Variants in RIN3 observed in about 807,000 individuals in gnomAD.
The protein encoded by RIN3 is RAB5 interacting protein 3.
In RIN3, 54 loss-of-function variants were observed where a neutral mutation model predicts 76.3. That is an observed-to-expected ratio of 0.71 (90% CI 0.57 to 0.89). The LOEUF is 0.89. Ranked by LOEUF, RIN3 falls within the 40% of genes least tolerant of loss-of-function variation. The pLI is 0.00. For synonymous variants in RIN3, 576 were observed against 564.0 expected (o/e 1.02, Z -0.30); for missense variants, 1,256 against 1,322.1 (o/e 0.95, Z 0.78).
chr14:92,665,136 G>A (rs1172588524), intron 7 of RIN3, among the ~76,000 whole-genome samples: 1 of 152,142 alleles, frequency 6.6e-6, no homozygotes, highest in Non-Finnish European at 1.5e-5. Context: ...TGAGCTGTAT[G>A]GTATGGTCCA....
intron 2 of RIN3, among the ~76,000 whole-genome samples, chr14:92,557,137 G>T (rs983283979): frequency 1.3e-5 from 2 of 152,250 alleles, no homozygotes; most frequent in African/African-American, 4.8e-5. Flanking sequence ...TCACGTAGCG[G>T]CAAGCATTCC....
intron 3 of RIN3, among the ~76,000 whole-genome samples, chr14:92,597,723 G>T (rs1424950214): frequency 6.6e-6 from 1 of 152,122 alleles, no homozygotes; most frequent in Non-Finnish European, 1.5e-5. Flanking sequence ...TAGGACTCCA[G>T]CTGGATCCCT....
chr14:92,653,648 C>T (rs1887555608), intron 6 of RIN3, among the ~76,000 whole-genome samples: 1 of 152,190 alleles, frequency 6.6e-6, no homozygotes, highest in Non-Finnish European at 1.5e-5. Flanking sequence ...AGCCTCGAAT[C>T]CAATAATTAT....
chr14:92,657,825 A>G (rs1187216354), intron 6 of RIN3, among the ~76,000 whole-genome samples: 2 of 152,168 alleles, frequency 1.3e-5, no homozygotes, highest in African/African-American at 4.8e-5. Flanking sequence ...GGGACCCAGG[A>G]TGGCCATGGG....
intron 3 of RIN3, 54 bp downstream of exon 3, chr14:92,577,531 A>T: frequency 2.7e-6 from 3 of 1,110,606 alleles, no homozygotes; most frequent in Non-Finnish European, 4.1e-6. Flanking sequence ...CAGCAGCAGC[A>T]GAGAGGCTGC....
chr14:92,686,525 C>T (rs1312877477), intron 9 of RIN3: 1 of 152,342 alleles, frequency 6.6e-6, no homozygotes, highest in East Asian at 1.9e-4. Context: ...CCCCTCCCAA[C>T]ACCCCGGACT....
chr14:92,661,812 T>C (rs1181365495), intron 7 of RIN3, among the ~76,000 whole-genome samples: 2 of 151,802 alleles, frequency 1.3e-5, no homozygotes, highest in African/African-American at 4.8e-5. Context: ...GCGAACTCCA[T>C]ATTAACACTT....
chr14:92,529,585 A>G (rs1177274077), intron 1 of RIN3, among the ~76,000 whole-genome samples: 2 of 152,216 alleles, frequency 1.3e-5, no homozygotes, highest in African/African-American at 4.8e-5. Context: ...GGACATAGGC[A>G]GAGTGATGAA....
rs537552104 is a variant in RIN3, at chr14:92,636,255, A to G, written c.441-4983A>G. Among the ~76,000 whole-genome samples, 3 of 152,156 alleles carry G rather than the reference A, an allele frequency of 2.0e-5. No individual in the cohort carries two copies. The East Asian group carries it at 5.8e-4, about 29-fold the overall frequency. On this transcript the variant is annotated intron_variant, in intron 4 of 9. Coordinates refer to ENST00000216487, the MANE Select transcript of RIN3 (RefSeq NM_024832.5). ...AAGAAAGAGAGAGGGAGGGAAAGAG[A>G]GAGAGAAAGAAAGAAAGCTTGGATG...
intron 2 of RIN3, among the ~76,000 whole-genome samples, chr14:92,565,529 A>G (rs954171318): frequency 6.6e-6 from 1 of 152,252 alleles, no homozygotes; most frequent in African/African-American, 2.4e-5. Flanking sequence ...TTCTTGATCA[A>G]ACAAGGGGTG....
intron 3 of RIN3, among the ~76,000 whole-genome samples, chr14:92,582,414 G>A (rs868484494): frequency 1.3e-5 from 2 of 149,346 alleles, no homozygotes; most frequent in South Asian, 2.1e-4. Context: ...AAGTTTGTGT[G>A]TGTGTGGTTT....
intron 7 of RIN3, among the ~76,000 whole-genome samples, chr14:92,661,759 A>ACACACACACACACACAC (rs11436084): frequency 9.8e-6 from 1 of 101,840 alleles, no homozygotes; most frequent in African/African-American, 3.3e-5. Context: ...ACACACACAC[A>ACACACACACACACACAC]AAAAATAGAA....
chr14:92,617,592 GA>G (rs991970927), intron 4 of RIN3, among the ~76,000 whole-genome samples: 2 of 152,174 alleles, frequency 1.3e-5, no homozygotes, highest in Admixed American at 1.3e-4. Flanking sequence ...GCCCAACAGG[GA>G]AACTATCACT....
At chr14:92,565,402 G>T (rs1897890836) in intron 2 of RIN3, among the ~76,000 whole-genome samples, 1 of 152,190 alleles carries the variant, frequency 6.6e-6, no homozygotes, top group South Asian at 2.1e-4. Flanking sequence ...AGAAACAGGG[G>T]CAAGTCCACA....
At chr14:92,526,053 A>G (rs138357438) in intron 1 of RIN3, among the ~76,000 whole-genome samples, 2 of 152,250 alleles carry the variant, frequency 1.3e-5, no homozygotes, top group East Asian at 3.9e-4. Flanking sequence ...TGTGCCTGTC[A>G]TTGACAATCT....
At chr14:92,668,485 C>T (rs549022087) in intron 7 of RIN3, among the ~76,000 whole-genome samples, 1 of 152,316 alleles carries the variant, frequency 6.6e-6, no homozygotes, top group East Asian at 1.9e-4. Flanking sequence ...GTGTTTTCCT[C>T]AGGGACACAG....
In RIN3 at chr14:92,514,060, G is replaced by A; in HGVS notation, c.44+84G>A. 1.0e-6 allele frequency: 1 copy of A among 987,192 alleles called. No homozygotes were observed. Among genetic ancestry groups the A allele is most frequent in the Non-Finnish European group, 1.3e-6 (1 of 763,104 alleles). The allele number at this position is 987,192 out of a possible 1,614,324, so 61.2% of individuals were successfully genotyped here. Reference sequence around the variant, plus strand: ...GCCCCACTCCACTTCTTGTCCCAGAGAGTCCTTCGGGCGCGTGACCTCGGG... The same window carrying A: ...GCCCCACTCCACTTCTTGTCCCAGAAAGTCCTTCGGGCGCGTGACCTCGGG... On this transcript the variant is annotated intron_variant, in intron 1 of 9. Transcript: ENST00000216487. The surrounding 1 kb of genome is among the most constrained non-coding windows in gnomAD (Gnocchi z 7.2).
At chr14:92,565,658 C>T (rs937763174) in intron 2 of RIN3, among the ~76,000 whole-genome samples, 10 of 152,230 alleles carry the variant, frequency 6.6e-5, no homozygotes, top group South Asian at 2.1e-4. Flanking sequence ...ACTGTCTTGG[C>T]GCTGGTGGGA....
rs543926063 is a variant in RIN3, at chr14:92,665,624, A to G, written c.2335+6155A>G. Among the ~76,000 whole-genome samples the G allele has an allele frequency of 3.6e-3, 551 of 151,078 alleles. 5 individuals carry two copies. The highest frequency in any genetic ancestry group is 0.013 in the African/African-American group (518 of 41,218). ...TCTTGATCTCCTGACCTCATGATCC[A>G]CCCACCTCGGCCTCTCAAAGTGCTG... On this transcript the variant is annotated intron_variant, in intron 7 of 9. Transcript: ENST00000216487.
Sources: allele counts gnomAD v4.1 joint callset (sites outside exome capture counted in the v4.1 genomes callset), GRCh38; gene constraint gnomAD v4.1.1; non-coding constraint Gnocchi (gnomAD v3.1); transcripts MANE v1.5; gene names NCBI Gene and HGNC (gene_info 2026-07-23, HGNC 2026-07-21).